Variants in CRX observed in about 807,000 individuals in gnomAD.
The protein encoded by CRX is cone-rod homeobox protein.
CRX carries 5 observed loss-of-function variants against 13.1 expected under a neutral mutation model. The ratio of observed to expected loss-of-function variants is 0.38; its 90% CI spans 0.20 to 0.80. CRX has a LOEUF of 0.80. Among genes scored for constraint, CRX ranks in the 30% least tolerant of loss-of-function variants. CRX has a pLI of 0.43. For synonymous variants in CRX, 179 were observed against 171.1 expected (o/e 1.05, Z -0.36); for missense variants, 351 against 391.8 (o/e 0.90, Z 0.88).
intron 3 of CRX, 128 bp downstream of exon 3, chr19:47,836,522 A>C: frequency 3.2e-6 from 4 of 1,235,544 alleles, no homozygotes; most frequent in Non-Finnish European, 4.7e-6. Flanking sequence ...GGGGACAATA[A>C]TCCCTCTCCC....
chr19:47,828,702 G>T (rs1195721273), intron 1 of CRX, among the ~76,000 whole-genome samples: 1 of 151,286 alleles, frequency 6.6e-6, no homozygotes, highest in African/African-American at 2.4e-5. Context: ...AGGAGAAGGG[G>T]TTAGCTGGTG....
chr19:47,823,737 C>T (rs1489929892), intron 1 of CRX, among the ~76,000 whole-genome samples: 1 of 151,858 alleles, frequency 6.6e-6, no homozygotes, highest in African/African-American at 2.4e-5. Flanking sequence ...GCAACCTCCA[C>T]CTCCCAGGTT....
At position 47,839,293 on chromosome 19, in the gene CRX, A is replaced by G. The variant is rs1394827584; in HGVS notation, c.253-27A>G. 1 of 1,603,866 alleles carries G rather than the reference A, an allele frequency of 6.2e-7. No individual in the cohort carries two copies. Among genetic ancestry groups the G allele is most frequent in the African/African-American group, 1.4e-5 (1 of 73,960 alleles). On this transcript the variant is annotated intron_variant, in intron 3 of 3. Coordinates refer to ENST00000221996, the MANE Select transcript of CRX (RefSeq NM_000554.6). This position sits in a 1 kb window ranked among gnomAD's most constrained non-coding sequence, Gnocchi z 4.6. Reference sequence around the variant, plus strand: ...TCCTGGGCCTCTTCCCCACTTACCCACCCCCATCTCCGCTCTTATCCCCCA... The same window carrying G: ...TCCTGGGCCTCTTCCCCACTTACCCGCCCCCATCTCCGCTCTTATCCCCCA...
chr19:47,828,909 C>T (rs1233883493), intron 1 of CRX, among the ~76,000 whole-genome samples: 1 of 116,178 alleles, frequency 8.6e-6, no homozygotes. Flanking sequence ...CACACACACA[C>T]ACACACACAC....
intron 3 of CRX, among the ~76,000 whole-genome samples, chr19:47,837,327 G>C (rs571207996): frequency 6.6e-6 from 1 of 151,810 alleles, no homozygotes; most frequent in Non-Finnish European, 1.5e-5. Flanking sequence ...CCACCACACC[G>C]GGCTAATTTT....
rs371847743 is a variant in CRX at position 47,839,429 on chromosome 19, C to G, written c.362C>G (p.Ala121Gly). 1.2e-6 allele frequency: 2 copies of G among 1,613,732 alleles called. No homozygotes were observed. The highest frequency in any genetic ancestry group is 2.2e-5 in the East Asian group (1 of 44,890). The change falls in exon 4 of 4, where the codon GCG (alanine) becomes GGG (glycine). Residue 121 changes from alanine (A) to glycine (G), a missense_variant. This residue lies in a region of CRX where 253 missense variants were observed against 268.3 expected (regional missense o/e 0.94). Coordinates refer to ENST00000221996, the MANE Select transcript of CRX (RefSeq NM_000554.6). The surrounding 1 kb of genome is among the most constrained non-coding windows in gnomAD (Gnocchi z 4.6). ...AAGGCCCGGCCTGCCAAGAGGAAGG[C>G]GGGCACGTCCCCAAGACCCTCCACA... The part of the protein sequence containing the change: ...QAKARPAKRK[A>G]GTSPRPSTDV...
rs1568626440 is a variant in CRX, at chr19:47,839,783, G to A, written c.716G>A (p.Gly239Asp). 2 of 1,613,964 alleles carry A rather than the reference G, an allele frequency of 1.2e-6. No individual in the cohort carries two copies. Among genetic ancestry groups the A allele is most frequent in the Non-Finnish European group, 1.7e-6 (2 of 1,179,964 alleles). Residue 239 changes from glycine (G) to aspartate (D), a missense_variant, in exon 4 of 4, where the codon GGC (glycine) becomes GAC (aspartate). Gly to Asp is a moderately conservative substitution (Grantham distance 94). Coordinates refer to ENST00000221996, the MANE Select transcript of CRX (RefSeq NM_000554.6). This position sits in a 1 kb window ranked among gnomAD's most constrained non-coding sequence, Gnocchi z 4.6. ...GGCCCGGCTCTTAGCCCCCTCTCTG[G>A]CCCCTCCGTGGGACCTTCCCTGGCC... ...LGGPALSPLS[G>D]PSVGPSLAQS...
At position 47,839,776 on chromosome 19, in the gene CRX, C is replaced by A. The variant is rs900654983; in HGVS notation, c.709C>A (p.Leu237Ile). 4.3e-6 allele frequency: 7 copies of A among 1,614,024 alleles called. No individual in the cohort carries two copies. The Admixed American group carries it at 5.0e-5, about 12-fold the overall frequency. Residue 237 changes from leucine to isoleucine, a missense_variant, in exon 4 of 4, where the codon CTC becomes ATC. By Grantham distance (5) the Leu-to-Ile change is conservative. This residue lies in a region of CRX where 253 missense variants were observed against 268.3 expected (regional missense o/e 0.94). Transcript: ENST00000221996. The surrounding 1 kb of genome is among the most constrained non-coding windows in gnomAD (Gnocchi z 4.6). Reference sequence around the variant, plus strand: ...GCTAGGGGGCCCGGCTCTTAGCCCCCTCTCTGGCCCCTCCGTGGGACCTTC... The same window carrying A: ...GCTAGGGGGCCCGGCTCTTAGCCCCATCTCTGGCCCCTCCGTGGGACCTTC... ...PQLGGPALSP[L>I]SGPSVGPSLA... is the part of the protein sequence containing the mutation.
In CRX at chr19:47,834,495, C is replaced by G; in HGVS notation, c.52C>G (p.Leu18Val). 6.2e-7 allele frequency: 1 copy of G among 1,614,168 alleles called. No homozygotes were observed. The highest frequency in any genetic ancestry group is 1.3e-5 in the African/African-American group (1 of 75,040). Residue 18 changes from leucine to valine, a missense_variant, in exon 2 of 4, where the codon CTA becomes GTA. By Grantham distance (32) the Leu-to-Val change is conservative (BLOSUM62 1). Transcript: ENST00000221996. ...GPHYSVNALA[L>V]SGPSVDLMHQ... ...CCACTATTCTGTCAACGCCTTGGCC[C>G]TAAGTGGCCCCAGTGTGGATCTGAT...
intron 2 of CRX, 116 bp downstream of exon 2, chr19:47,834,659 C>T: frequency 1.3e-6 from 1 of 759,130 alleles, no homozygotes; most frequent in Admixed American, 2.1e-5. Context: ...GGGCCATACA[C>T]CAGCCCTCTG....
chr19:47,833,699 C>T (rs929737462), intron 1 of CRX, among the ~76,000 whole-genome samples: 1 of 152,202 alleles, frequency 6.6e-6, no homozygotes, highest in Non-Finnish European at 1.5e-5. Context: ...ACCTCTCCTC[C>T]AACCTGGGCA....
chr19:47,834,454 A>G lies in CRX; in HGVS notation c.11A>G (p.Tyr4Cys), dbSNP rs1211313175. 6.8e-6 allele frequency: 11 copies of G among 1,613,918 alleles called. No homozygotes were observed. Among genetic ancestry groups the G allele is most frequent in the Admixed American group, 6.7e-5 (4 of 59,994 alleles). MMA[Y>C]MNPGPHYSVN... Reference sequence around the variant, plus strand: ...GTGTCCCCGAAGATCATGATGGCGTATATGAACCCGGGGCCCCACTATTCT... The same window carrying G: ...GTGTCCCCGAAGATCATGATGGCGTGTATGAACCCGGGGCCCCACTATTCT... Residue 4 changes from tyrosine to cysteine, a missense_variant, in exon 2 of 4, where the codon TAT becomes TGT. Coordinates refer to ENST00000221996, the MANE Select transcript of CRX (RefSeq NM_000554.6).
intron 1 of CRX, among the ~76,000 whole-genome samples, chr19:47,826,194 G>C (rs1967973288): frequency 6.6e-6 from 1 of 152,160 alleles, no homozygotes. Context: ...AGGTTAGGGG[G>C]CTGGGGGAAT....
intron 1 of CRX, among the ~76,000 whole-genome samples, chr19:47,824,641 TC>T (rs1599967101): frequency 1.3e-5 from 2 of 152,024 alleles, no homozygotes; most frequent in African/African-American, 4.8e-5. Context: ...AGGCTCAGTC[TC>T]CCCCGCTGTA....
At chr19:47,831,772 T>C (rs2879910) in intron 1 of CRX, among the ~76,000 whole-genome samples, 57,848 of 151,938 alleles carry the variant, frequency 0.38, 11,800 homozygotes, top group Non-Finnish European at 0.48. Flanking sequence ...GATGAAGTCT[T>C]GCTCTTGTCT....
At chr19:47,831,691 A>C (rs1304124681) in intron 1 of CRX, among the ~76,000 whole-genome samples, 1 of 152,142 alleles carries the variant, frequency 6.6e-6, no homozygotes, top group Admixed American at 6.6e-5. Flanking sequence ...ATGACTTGGA[A>C]ATGGCATGCT....
chr19:47,825,077 G>T (rs1012687420), intron 1 of CRX, among the ~76,000 whole-genome samples: 5 of 134,308 alleles, frequency 3.7e-5, no homozygotes, highest in African/African-American at 1.4e-4. Flanking sequence ...TGCAGCCTCC[G>T]CCTCCCGAGT....
In CRX at chr19:47,839,926, G is replaced by C; in HGVS notation, c.859G>C (p.Asp287His). ...KFTYNPMDPL[D>H]YKDQSAWKFQ... ...CACCTACAATCCCATGGACCCTCTGGACTACAAGGATCAGAGTGCCTGGAA... is the reference window on the plus strand; with the variant it reads ...CACCTACAATCCCATGGACCCTCTGCACTACAAGGATCAGAGTGCCTGGAA... The change falls in exon 4 of 4, where the codon GAC becomes CAC. Residue 287 changes from aspartate (D) to histidine (H), a missense_variant. Asp to His is a moderately conservative substitution (Grantham distance 81). Around this residue, in one of 3 missense-constraint regions of CRX, gnomAD observed 253 missense variants for 268.3 expected, o/e 0.94. Transcript: ENST00000221996. The surrounding 1 kb of genome is among the most constrained non-coding windows in gnomAD (Gnocchi z 4.6). The C allele has an allele frequency of 6.2e-7, 1 of 1,614,018 alleles. No individual in the cohort carries two copies. Among genetic ancestry groups the C allele is most frequent in the Non-Finnish European group, 8.5e-7 (1 of 1,180,020 alleles).
At chr19:47,828,661 C>A (rs1038047393) in intron 1 of CRX, among the ~76,000 whole-genome samples, 3 of 146,186 alleles carry the variant, frequency 2.1e-5, no homozygotes, top group Non-Finnish European at 4.5e-5. Context: ...AGGTTGCTTT[C>A]TCTGGGGAAA....
Sources: gnomAD v4.1 joint callset for allele counts (sites outside exome capture counted in the v4.1 genomes callset) on GRCh38, gnomAD v4.1.1 for gene constraint, gnomAD v4.1.1 regional missense constraint, Gnocchi (gnomAD v3.1) non-coding constraint, MANE v1.5 for transcripts, NCBI Gene and HGNC (gene_info 2026-07-23, HGNC 2026-07-21) for gene names.